ERCC1: variants seen among roughly 807,000 people sequenced by gnomAD.
ERCC1 encodes the protein ERCC excision repair 1, endonuclease non-catalytic subunit.
ERCC1 carries 36 observed loss-of-function variants against 37.6 expected under a neutral mutation model. The observed-to-expected ratio is 0.96, with a 90% confidence interval of 0.73 to 1.26. The LOEUF (loss-of-function observed/expected upper bound fraction) is 1.26, where lower values mean the gene tolerates loss of function less well. Ranked by LOEUF, ERCC1 falls within the 50% of genes most tolerant of loss-of-function variation. The pLI is 0.00. For synonymous variants in ERCC1, 156 were observed against 162.1 expected, an observed-to-expected ratio of 0.96 and a Z score of 0.28; for missense variants, 349 against 376.5, an observed-to-expected ratio of 0.93 and a Z score of 0.60.
chr19:45,408,119 G>T lies in ERCC1; in HGVS notation c.*1556C>A. 6.3e-7 allele frequency: 1 copy of T among 1,580,568 alleles called. No homozygotes were observed. The highest frequency in any genetic ancestry group is 1.1e-5 in the South Asian group (1 of 88,290). On this transcript the variant is annotated 3_prime_UTR_variant, in exon 10 of 10. Transcript: ENST00000300853. ...TTCCACTTAAGCCTCTGCCCTCCCT[G>T]TTTCTCTCTGTAGCTTCAATGGGCG...
intron 1 of ERCC1, among the ~76,000 whole-genome samples, chr19:45,441,746 C>T (rs1200230225): frequency 2.0e-5 from 3 of 150,758 alleles, no homozygotes; most frequent in African/African-American, 4.9e-5. Context: ...GGCGGGATCT[C>T]GGCTCACTGC....
At chr19:45,427,137 A>AAAAC (rs543989337), upstream of ERCC1, among the ~76,000 whole-genome samples, 3 of 152,048 alleles carry the variant, frequency 2.0e-5, no homozygotes, top group East Asian at 1.9e-4. Flanking sequence ...CAAACAAAAC[A>AAAAC]AAACAAACAA....
At chr19:45,439,817 G>T (rs1462860262) in intron 1 of ERCC1, among the ~76,000 whole-genome samples, 1 of 152,010 alleles carries the variant, frequency 6.6e-6, no homozygotes, top group Admixed American at 6.5e-5. Flanking sequence ...GGGGTAGGGG[G>T]ACGGCTGTGA....
chr19:45,416,706 T>C (rs1199925750), intron 6 of ERCC1, 115 bp downstream of exon 6: 2 of 753,496 alleles, frequency 2.7e-6, no homozygotes, highest in Non-Finnish European at 4.7e-6. Flanking sequence ...AGAGAGGCAG[T>C]GCCTGCACCA....
chr19:45,417,375 G>A (rs1055625086), intron 5 of ERCC1, among the ~76,000 whole-genome samples: 2 of 152,156 alleles, frequency 1.3e-5, no homozygotes, highest in African/African-American at 4.8e-5. Context: ...CCTGCCTGGG[G>A]GATCAGGGAG....
intron 1 of ERCC1, among the ~76,000 whole-genome samples, chr19:45,439,194 AAAAC>A (rs1279286736): frequency 6.6e-6 from 1 of 152,034 alleles, no homozygotes; most frequent in African/African-American, 2.4e-5. Flanking sequence ...TCAAAAAACA[AAAAC>A]AAACAAACAA....
upstream of ERCC1, among the ~76,000 whole-genome samples, chr19:45,428,086 T>TTC (rs1974743438): frequency 1.4e-5 from 2 of 139,962 alleles, no homozygotes; most frequent in Non-Finnish European, 3.1e-5. Flanking sequence ...TTTCTTTCTT[T>TTC]TTTTTTTTTT....
rs774042056 is a variant in ERCC1 at position 45,408,225 on chromosome 19, G to GT, written c.*1449dup. ...CACCGCTATCGAGTCCTCAGCAGCT[G>GT]TCCCCAAGCTGGAGAAGCGACCCTG... On this transcript the variant is annotated 3_prime_UTR_variant, in exon 10 of 10. Coordinates refer to ENST00000300853, the MANE Select transcript of ERCC1 (RefSeq NM_001983.4). The GT allele has an allele frequency of 6.2e-7, 1 of 1,614,148 alleles. No individual in the cohort carries two copies. The highest frequency in any genetic ancestry group is 8.5e-7 in the Non-Finnish European group (1 of 1,180,010).
rs1321812499 is a variant in ERCC1, at chr19:45,413,948, G to A, written c.774+15C>T. On this transcript the variant is annotated intron_variant, in intron 8 of 9. Transcript: ENST00000300853. ...GGGACAGAAATGCCTATGGGGCAGG[G>A]GAGCCATTCCTTACTCCAAATGTGG... is the stretch of plus-strand genomic sequence containing the variant. 3 of 1,612,270 alleles carry A rather than the reference G, an allele frequency of 1.9e-6. No individual in the cohort carries two copies. In the African/African-American group the frequency reaches 4.0e-5, roughly 22 times the overall value.
chr19:45,432,283 TTTATTA>T (rs35170597), intron 1 of ERCC1, among the ~76,000 whole-genome samples: 7,159 of 145,910 alleles, frequency 0.049, 553 homozygotes, highest in African/African-American at 0.16. Flanking sequence ...ACAAAATTAA[TTTATTA>T]TTATTATTAT....
intron 1 of ERCC1, among the ~76,000 whole-genome samples, chr19:45,431,915 A>C (rs1275901970): frequency 6.6e-6 from 1 of 152,154 alleles, no homozygotes; most frequent in Non-Finnish European, 1.5e-5. Flanking sequence ...TTTATTTTGG[A>C]AAACATGGTT....
chr19:45,413,838 T>A, intron 8 of ERCC1, 93 bp from the exon 9 acceptor site: 1 of 1,592,832 alleles, frequency 6.3e-7, no homozygotes. Flanking sequence ...CCAGGGGAGA[T>A]GAGGGCCTGT....
chr19:45,437,126 G>A (rs781111323), intron 1 of ERCC1, among the ~76,000 whole-genome samples: 12 of 152,016 alleles, frequency 7.9e-5, no homozygotes, highest in African/African-American at 1.9e-4. Context: ...ACACACGCCC[G>A]TAATCCCAGC....
chr19:45,417,151 G>A (rs895246447), intron 5 of ERCC1, among the ~76,000 whole-genome samples: 1 of 152,144 alleles, frequency 6.6e-6, no homozygotes, highest in African/African-American at 2.4e-5. Flanking sequence ...CAGTAGCTCA[G>A]GATGCCAAGA....
chr19:45,414,935 C>G lies in ERCC1; in HGVS notation c.628G>C (p.Glu210Gln). Residue 210 changes from glutamate to glutamine, a missense_variant, in exon 7 of 10, where the codon GAG (glutamate) becomes CAG (glutamine). Glu to Gln is a conservative substitution (Grantham distance 29, BLOSUM62 2). Coordinates refer to ENST00000300853, the MANE Select transcript of ERCC1 (RefSeq NM_001983.4). The stretch of plus-strand genomic sequence containing the variant: ...TTCTGCTCATAGGCCTTGTAGGTCT[C>G]CAGGTACCGCCCAGCTTCCTCGGGG... ...WSPEEAGRYL[E>Q]TYKAYEQKPA... 2 of 1,613,798 alleles carry G rather than the reference C, an allele frequency of 1.2e-6. No homozygotes were observed. The highest frequency in any genetic ancestry group is 1.7e-6 in the Non-Finnish European group (2 of 1,179,770).
Position 45,408,265 on chromosome 19 carries a change from G to A in ERCC1, c.*1410C>T, listed in dbSNP as rs140241488. Reference sequence around the variant, plus strand: ...AAGCGACCCTGCTGGCCCCCTCAACGGAGGCAGGAGGTGGACTCACCTGTG... The same window carrying A: ...AAGCGACCCTGCTGGCCCCCTCAACAGAGGCAGGAGGTGGACTCACCTGTG... On this transcript the variant is annotated 3_prime_UTR_variant, in exon 10 of 10. Coordinates refer to ENST00000300853, the MANE Select transcript of ERCC1 (RefSeq NM_001983.4). The A allele has an allele frequency of 1.3e-5, 21 of 1,614,078 alleles. No homozygotes were observed. In the Middle Eastern group the frequency reaches 6.6e-4, roughly 51 times the overall value.
intron 1 of ERCC1, among the ~76,000 whole-genome samples, chr19:45,443,245 G>A (rs1446665940): frequency 6.6e-6 from 1 of 152,108 alleles, no homozygotes; most frequent in South Asian, 2.1e-4. Flanking sequence ...TTTGGGATGG[G>A]GTCCGCCCAG....
chr19:45,438,010 T>C (rs1975025182), intron 1 of ERCC1, among the ~76,000 whole-genome samples: 1 of 149,850 alleles, frequency 6.7e-6, no homozygotes, highest in African/African-American at 2.5e-5. Context: ...TGGGTTCAAG[T>C]GATTCTCCTG....
At chr19:45,414,184 A>G in intron 7 of ERCC1, 150 bp from the exon 8 acceptor site, 1 of 707,758 alleles carries the variant, frequency 1.4e-6, no homozygotes. Context: ...CTGATTAAAA[A>G]GTCATCTCAG....
Sources: gnomAD v4.1 joint callset for allele counts (sites outside exome capture counted in the v4.1 genomes callset) on GRCh38, gnomAD v4.1.1 for gene constraint, MANE v1.5 for transcripts, NCBI Gene and HGNC (gene_info 2026-07-23, HGNC 2026-07-21) for gene names.